Variants in HDAC9 observed in about 807,000 individuals in gnomAD.
HDAC9 encodes the protein histone deacetylase 9, also known as MEF-2 interacting transcription repressor (MITR) protein.
A neutral mutation model predicts 139.4 loss-of-function variants in HDAC9; 41 were observed. That is an observed-to-expected ratio of 0.29 (90% CI 0.23 to 0.38). HDAC9 has a LOEUF of 0.38. Among genes scored for constraint, HDAC9 ranks in the 10% least tolerant of loss-of-function variants. HDAC9 has a pLI of 1.00. For missense variants in HDAC9, 1,147 were observed against 1,297.0 expected, an observed-to-expected ratio of 0.88 and a Z score of 1.78; for synonymous variants, 517 against 476.2, an observed-to-expected ratio of 1.09 and a Z score of -1.12.
intron 1 of HDAC9, among the ~76,000 whole-genome samples, chr7:18,385,997 A>C (rs556232883): frequency 6.6e-6 from 1 of 151,662 alleles, no homozygotes; most frequent in Non-Finnish European, 1.5e-5. Flanking sequence ...TTGTTTCTGC[A>C]AAGATTTAGC....
In HDAC9 at chr7:18,317,332, G is replaced by C. The variant is rs545959373; in HGVS notation, c.-42+26817G>C. Among the ~76,000 whole-genome samples, 24 of 152,082 alleles carry C rather than the reference G, an allele frequency of 1.6e-4. No homozygotes were observed. The East Asian group carries it at 4.6e-3, about 29-fold the overall frequency. On this transcript the variant is annotated intron_variant, in intron 1 of 3. Coordinates refer to the HDAC9 transcript ENST00000413509. ...TTATTTCTAGCAGCCAGATTTTCTT[G>C]ACTAAAGCTATAATTAGTCATGGCT...
chr7:18,663,768 G>T (rs1335379499), intron 11 of HDAC9, among the ~76,000 whole-genome samples: 1 of 152,066 alleles, frequency 6.6e-6, no homozygotes, highest in African/African-American at 2.4e-5. Context: ...CTTACATTTG[G>T]TTTCTCTGAT....
intron 1 of HDAC9, among the ~76,000 whole-genome samples, chr7:18,484,223 T>C (rs1302963012): frequency 2.7e-5 from 4 of 150,004 alleles, no homozygotes; most frequent in Admixed American, 1.3e-4. Flanking sequence ...TGTGTGCCTG[T>C]AGTCCCAGCG....
intron 1 of HDAC9, among the ~76,000 whole-genome samples, chr7:18,153,551 A>C (rs1002625949): frequency 6.6e-6 from 1 of 152,290 alleles, no homozygotes; most frequent in African/African-American, 2.4e-5. Context: ...AATTAGAGGT[A>C]CTTTCAATTC....
chr7:18,892,611 C>T (rs1018790016), intron 22 of HDAC9: 7 of 152,118 alleles, frequency 4.6e-5, no homozygotes, highest in Non-Finnish European at 7.4e-5. Flanking sequence ...GAGAGCATAA[C>T]TCTTCCACTG....
At chr7:18,228,295 C>CT (rs5882649) in intron 2 of HDAC9, among the ~76,000 whole-genome samples, 48,657 of 146,476 alleles carry the variant, frequency 0.33, 8,715 homozygotes, top group African/African-American at 0.49. Flanking sequence ...AGTAGATAAC[C>CT]TTTTTTTTTT....
chr7:18,817,263 T>C (rs756937159), intron 17 of HDAC9, among the ~76,000 whole-genome samples: 27 of 152,164 alleles, frequency 1.8e-4, no homozygotes, highest in Admixed American at 1.2e-3. Flanking sequence ...CTCTGTCTCC[T>C]GACCTCGTGA....
At chr7:18,421,689 G>T (rs1044705550) in intron 1 of HDAC9, among the ~76,000 whole-genome samples, 1 of 152,150 alleles carries the variant, frequency 6.6e-6, no homozygotes, top group African/African-American at 2.4e-5. Context: ...TGGTAGCTCA[G>T]TGTCACGGAT....
At chr7:18,649,338 C>T (rs1008074727) in intron 11 of HDAC9, among the ~76,000 whole-genome samples, 21 of 152,046 alleles carry the variant, frequency 1.4e-4, no homozygotes, top group African/African-American at 4.3e-4. Flanking sequence ...TCTATGAATT[C>T]GTAAGCAAAA....
intron 1 of HDAC9, among the ~76,000 whole-genome samples, chr7:18,435,805 G>T (rs544457854): frequency 1.6e-4 from 24 of 151,258 alleles, no homozygotes; most frequent in Admixed American, 1.3e-4. Context: ...CTTTAGAATG[G>T]AATAGAAACA....
rs1033861842 is a variant in HDAC9 at position 18,804,305 on chromosome 7, G to A, written c.2322+10853G>A. Reference sequence around the variant, plus strand: ...GTTTAAGAAACTTCAAGGCCTGAGCGTCTGAAAGTGAGATGAGGTTAGAGA... The same window carrying A: ...GTTTAAGAAACTTCAAGGCCTGAGCATCTGAAAGTGAGATGAGGTTAGAGA... On this transcript the variant is annotated intron_variant, in intron 17 of 25. Transcript: ENST00000686413. Among the ~76,000 whole-genome samples, 7 of 152,298 alleles carry A rather than the reference G, an allele frequency of 4.6e-5. 1 individual carries two copies. The highest frequency in any genetic ancestry group is 7.3e-5 in the Non-Finnish European group (5 of 68,036).
At chr7:18,829,408 G>T in intron 18 of HDAC9, 53 bp from the exon 19 acceptor site, 1 of 1,356,332 alleles carries the variant, frequency 7.4e-7, no homozygotes, top group Non-Finnish European at 1.1e-6. Context: ...TATTTATAAT[G>T]GTTTTCCTGG....
intron 21 of HDAC9, among the ~76,000 whole-genome samples, chr7:18,849,383 A>C (rs1335247704): frequency 6.6e-6 from 1 of 152,074 alleles, no homozygotes; most frequent in Non-Finnish European, 1.5e-5. Flanking sequence ...CTTTGCTATG[A>C]CTATTAAATG....
intron 25 of HDAC9, among the ~76,000 whole-genome samples, chr7:18,984,288 C>T (rs766595305): frequency 5.3e-5 from 8 of 151,964 alleles, no homozygotes; most frequent in Non-Finnish European, 1.2e-4. Context: ...TATATGAGTG[C>T]AAACTTTGGG....
intron 21 of HDAC9, among the ~76,000 whole-genome samples, chr7:18,870,126 A>C (rs761907299): frequency 3.3e-5 from 5 of 152,100 alleles, no homozygotes; most frequent in Admixed American, 6.6e-5. Context: ...AACTTACCTA[A>C]TCATAGTATA....
At chr7:18,881,889 C>T (rs1046027961) in intron 22 of HDAC9, among the ~76,000 whole-genome samples, 9 of 152,094 alleles carry the variant, frequency 5.9e-5, no homozygotes, top group African/African-American at 2.2e-4. Context: ...CACCTACCCA[C>T]CAGGTACCAC....
At chr7:18,747,443 G>C (rs1788074588) in intron 13 of HDAC9, among the ~76,000 whole-genome samples, 1 of 152,202 alleles carries the variant, frequency 6.6e-6, no homozygotes. Context: ...GTTCTTTGGA[G>C]GGGGAGCGTC....
intron 21 of HDAC9, among the ~76,000 whole-genome samples, chr7:18,847,747 G>A (rs898016398): frequency 2.2e-4 from 34 of 152,190 alleles, no homozygotes; most frequent in Admixed American, 1.4e-3. Context: ...CATTCTGGCC[G>A]CTGCTCTGCC....
At chr7:18,626,735 C>G (rs1439046611) in intron 6 of HDAC9, among the ~76,000 whole-genome samples, 11 of 152,154 alleles carry the variant, frequency 7.2e-5, no homozygotes, top group Non-Finnish European at 1.3e-4. Flanking sequence ...CTGGCTGATT[C>G]TCAAGTAGAC....
Sources: gnomAD v4.1 joint callset for allele counts (sites outside exome capture counted in the v4.1 genomes callset) on GRCh38, gnomAD v4.1.1 for gene constraint, MANE v1.5 for transcripts, NCBI Gene and HGNC (gene_info 2026-07-23, HGNC 2026-07-21) for gene names.